The following EPG5 variants were observed in gnomAD, a reference collection of about 807,000 sequenced individuals.
EPG5 encodes the protein ectopic P-granules 5 autophagy tethering factor, also known as ectopic P granules protein 5 homolog.
In EPG5, 159 loss-of-function variants were observed where a neutral mutation model predicts 302.7. The observed-to-expected ratio is 0.53, with a 90% CI of 0.46 to 0.60. The LOEUF (loss-of-function observed/expected upper bound fraction) is 0.60, where lower values mean the gene tolerates loss of function less well. Among genes scored for constraint, EPG5 ranks in the 20% least tolerant of loss-of-function variants. EPG5 has a pLI of 0.00. For missense variants in EPG5, 2,896 were observed against 3,092.4 expected, an observed-to-expected ratio of 0.94 and a Z score of 1.51; for synonymous variants, 1,158 against 1,136.8, an observed-to-expected ratio of 1.02 and a Z score of -0.37.
At chr18:45,876,804 G>C (rs1487766208) in intron 34 of EPG5, among the ~76,000 whole-genome samples, 1 of 150,092 alleles carries the variant, frequency 6.7e-6, no homozygotes. Context: ...TTTTTTGAGA[G>C]AGAGAGTCTT....
the EPG5 span, among the ~76,000 whole-genome samples, chr18:45,836,045 G>A: frequency 6.6e-6 from 1 of 152,212 alleles, no homozygotes; most frequent in East Asian, 1.9e-4. Flanking sequence ...TGTGCAGAAG[G>A]AATGTCCCGA....
chr18:45,857,883 C>T lies in EPG5; in HGVS notation c.7412G>A (p.Gly2471Glu). Residue 2471 changes from glycine to glutamate, a missense_variant, in exon 42 of 44, where the codon GGG becomes GAG. Gly to Glu is a moderately conservative substitution (Grantham distance 98). Coordinates refer to ENST00000282041, the MANE Select transcript of EPG5 (RefSeq NM_020964.3). ...AGACAAAGGCGACTTCCGGCCAAAC[C>T]CAATTGCCCCCAGGATCCCAGAGCT... ...RLSSGILGAI[G>E]FGRKSPLSNR... 6.2e-7 allele frequency: 1 copy of T among 1,612,252 alleles called. No homozygotes were observed. The highest frequency in any genetic ancestry group is 1.3e-5 in the African/African-American group (1 of 74,928).
chr18:45,842,126 A>G, the EPG5 span: 14 of 1,614,074 alleles, frequency 8.7e-6, no homozygotes, highest in African/African-American at 1.3e-5. Context: ...CAGGAGTCCA[A>G]TTATGAAAAT....
At chr18:45,917,871 TTC>T in intron 16 of EPG5, 52 bp from the exon 17 acceptor site, 1 of 1,604,044 alleles carries the variant, frequency 6.2e-7, no homozygotes, top group Non-Finnish European at 8.5e-7. Flanking sequence ...GTTCATAAAA[TTC>T]TGTTCTTCCA....
At chr18:45,949,779 T>C (rs1218267362) in intron 4 of EPG5, among the ~76,000 whole-genome samples, 188 bp from the exon 5 acceptor site, 1 of 152,226 alleles carries the variant, frequency 6.6e-6, no homozygotes, top group Non-Finnish European at 1.5e-5. Flanking sequence ...TATGATAACA[T>C]CATAAGCAGA....
chr18:45,953,203 G>A, intron 2 of EPG5: 3 of 811,234 alleles, frequency 3.7e-6, no homozygotes, highest in Non-Finnish European at 4.5e-6. Flanking sequence ...AGTGAAAGCT[G>A]CAAGAAAATA....
chr18:45,873,379 G>A (rs939206036), intron 35 of EPG5, among the ~76,000 whole-genome samples: 11 of 151,842 alleles, frequency 7.2e-5, no homozygotes, highest in African/African-American at 2.2e-4. Flanking sequence ...GTGTGGTGGC[G>A]GGCGCCTGTA....
At chr18:45,896,207 A>G (rs1055830504) in intron 27 of EPG5, among the ~76,000 whole-genome samples, 2 of 152,212 alleles carry the variant, frequency 1.3e-5, no homozygotes, top group Non-Finnish European at 2.9e-5. Flanking sequence ...TTCACTGTCC[A>G]TGTTTTTAAT....
At chr18:45,890,319 G>A (rs1047919677) in intron 27 of EPG5, 2 of 157,944 alleles carry the variant, frequency 1.3e-5, no homozygotes, top group Non-Finnish European at 2.8e-5. Flanking sequence ...GCGTACACAT[G>A]TGTGCCCAGC....
In EPG5 at chr18:45,939,710, G is replaced by A. The variant is rs368887661; in HGVS notation, c.1989C>T (p.Ser663=). 1.2e-5 allele frequency: 20 copies of A among 1,613,828 alleles called. No individual in the cohort carries two copies. The highest frequency in any genetic ancestry group is 1.5e-5 in the Non-Finnish European group (18 of 1,180,006). The part of the protein sequence containing the change: ...YVSDHWAQYV[S]HNQGSGLAQQ... ...GGGCCAATCCTGAGCCTTGGTTATG[G>A]CTCACATACTGTGCCCAATGGTCAC... The change falls in exon 10 of 44, where the codon AGC becomes AGT. Residue 663 remains serine (S), a synonymous_variant. Transcript: ENST00000282041.
chr18:45,882,259 A>T lies in EPG5; in HGVS notation c.5518+15T>A, dbSNP rs372157962. On this transcript the variant is annotated intron_variant, in intron 31 of 43. Transcript: ENST00000282041. ...ACTAAGATCTAGTTAGTTACAATTA[A>T]ATGAAGACACTTACTTTGCATAAGC... The T allele has an allele frequency of 3.7e-5, 59 of 1,592,764 alleles. No homozygotes were observed. The highest frequency in any genetic ancestry group is 5.0e-5 in the Non-Finnish European group (58 of 1,161,232).
intron 28 of EPG5, among the ~76,000 whole-genome samples, chr18:45,888,693 G>A (rs1472655093): frequency 6.6e-6 from 1 of 152,124 alleles, no homozygotes; most frequent in Non-Finnish European, 1.5e-5. Flanking sequence ...GCCCACCTTG[G>A]CCTCCCAAAG....
At chr18:45,837,870 G>A in the EPG5 span, 4 of 1,531,742 alleles carry the variant, frequency 2.6e-6, no homozygotes, top group African/African-American at 2.9e-5. Flanking sequence ...TACGAGAGCC[G>A]CCACGGCGTC....
chr18:45,834,646 T>C, the EPG5 span, among the ~76,000 whole-genome samples: 2 of 152,244 alleles, frequency 1.3e-5, no homozygotes, highest in African/African-American at 4.8e-5. Context: ...TGTCTCCTTT[T>C]CTAAGCTGCA....
At chr18:45,868,026 T>C in intron 36 of EPG5, 5 of 508,096 alleles carry the variant, frequency 9.8e-6, no homozygotes, top group Non-Finnish European at 1.9e-5. Context: ...CCAACCTGGG[T>C]GGAGAATCGC....
At chr18:45,913,562 A>G in intron 21 of EPG5, 144 bp downstream of exon 21, 3 of 959,570 alleles carry the variant, frequency 3.1e-6, no homozygotes, top group South Asian at 3.3e-5. Context: ...TCAATTACAC[A>G]GTTTTAAGTA....
At chr18:45,837,544 G>A in the EPG5 span, 1 of 1,517,182 alleles carries the variant, frequency 6.6e-7, no homozygotes, top group Non-Finnish European at 8.8e-7. Flanking sequence ...CCATGCAGGT[G>A]CCACCCGAGG....
At chr18:45,863,755 C>G (rs917525531) in intron 39 of EPG5, among the ~76,000 whole-genome samples, 4 of 152,220 alleles carry the variant, frequency 2.6e-5, no homozygotes, top group Non-Finnish European at 5.9e-5. Context: ...ACTGAGAAGT[C>G]AGCTGTCAGT....
chr18:45,966,265 G>C (rs150944495), intron 1 of EPG5, among the ~76,000 whole-genome samples: 13,579 of 150,610 alleles, frequency 0.09, 649 homozygotes, highest in African/African-American at 0.13. Context: ...CCAGCTACTC[G>C]GGAGGGAGGC....
Sources: gnomAD v4.1 joint callset for allele counts (sites outside exome capture counted in the v4.1 genomes callset) on GRCh38, gnomAD v4.1.1 for gene constraint, MANE v1.5 for transcripts, NCBI Gene and HGNC (gene_info 2026-07-23, HGNC 2026-07-21) for gene names.